CACNG4: variants seen among roughly 807,000 people sequenced by gnomAD.
CACNG4 encodes voltage-dependent calcium channel gamma-4 subunit.
Under a neutral mutation model 22.9 loss-of-function variants are expected in CACNG4, and 8 were observed. The observed-to-expected ratio is 0.35, with a 90% CI of 0.21 to 0.63. The LOEUF is 0.63. Among genes scored for constraint, CACNG4 ranks in the 30% least tolerant of loss-of-function variants. The probability of loss-of-function intolerance (pLI) is 0.72; values close to 1 mark genes in which losing one functional copy is unlikely to be tolerated. For synonymous variants in CACNG4, 188 were observed against 191.9 expected (o/e 0.98, Z 0.17); for missense variants, 357 against 455.4 (o/e 0.78, Z 1.97).
chr17:67,023,193 G>T (rs1436560375), intron 2 of CACNG4, among the ~76,000 whole-genome samples: 4 of 151,272 alleles, frequency 2.6e-5, no homozygotes, highest in Admixed American at 6.6e-5. Flanking sequence ...CTCGTCGTTG[G>T]ATCTAGGGCC....
chr17:66,991,341 A>C (rs536029874), intron 1 of CACNG4, among the ~76,000 whole-genome samples: 19 of 151,998 alleles, frequency 1.3e-4, no homozygotes, highest in Admixed American at 2.0e-4. Context: ...AACAAACAAA[A>C]AAAAACACTT....
intron 1 of CACNG4, among the ~76,000 whole-genome samples, chr17:66,998,456 A>G (rs778283814): frequency 6.6e-6 from 1 of 152,184 alleles, no homozygotes; most frequent in African/African-American, 2.4e-5. Flanking sequence ...CTCCTGCCTC[A>G]ACCTCCCAAA....
At position 66,977,493 on chromosome 17, in the gene CACNG4, C is replaced by T. The variant is rs533842009; in HGVS notation, c.220+12362C>T. ...GCTCTGCCCTGTGTTAGCTCTGTGACCTTGGACAGACTCCTTAGCTTCTCT... is the reference window on the plus strand; with the variant it reads ...GCTCTGCCCTGTGTTAGCTCTGTGATCTTGGACAGACTCCTTAGCTTCTCT... On this transcript the variant is annotated intron_variant, in intron 1 of 3. Transcript: ENST00000262138. 2.6e-5 allele frequency among the ~76,000 whole-genome samples: 4 copies of T among 152,328 alleles called. No homozygotes were observed. In the South Asian group the frequency reaches 8.3e-4, roughly 32 times the overall value.
At position 67,024,973 on chromosome 17, in the gene CACNG4, A is replaced by G. The variant is rs753605926; in HGVS notation, c.418A>G (p.Ser140Gly). The change falls in exon 3 of 4, where the codon AGT (serine) becomes GGT (glycine). Residue 140 changes from serine to glycine, a missense_variant. By Grantham distance (56) the Ser-to-Gly change is moderately conservative (BLOSUM62 0). Transcript: ENST00000262138. ...CAGCCGCAAGAACAACATCGTCCTC[A>G]GTGCCGGCATCCTCTTCGTGGCTGC... ...IYSRKNNIVL[S>G]AGILFVAAGL... is the part of the protein sequence containing the mutation. 8.1e-6 allele frequency: 13 copies of G among 1,601,252 alleles called. No individual in the cohort carries two copies. Among genetic ancestry groups the G allele is most frequent in the Non-Finnish European group, 5.1e-6 (6 of 1,175,474 alleles).
intron 1 of CACNG4, among the ~76,000 whole-genome samples, chr17:67,016,080 G>A (rs2035495631): frequency 6.6e-6 from 1 of 152,076 alleles, no homozygotes; most frequent in South Asian, 2.1e-4. Flanking sequence ...AGGAGCGAGG[G>A]TGGGTCATTT....
At chr17:66,995,540 C>T (rs1047278398) in intron 1 of CACNG4, among the ~76,000 whole-genome samples, 2 of 152,100 alleles carry the variant, frequency 1.3e-5, no homozygotes, top group African/African-American at 2.4e-5. Flanking sequence ...GAATTTATGA[C>T]AGTGTGGGTT....
In CACNG4 at chr17:67,027,756, T is replaced by C. The variant is rs1409296555; in HGVS notation, c.446-2710T>C. ...AGACAGGTGAACTAGCGGTGGCTCA[T>C]GCCTGTAATCCCAGCATTTTGGGAG... On this transcript the variant is annotated intron_variant, in intron 3 of 3. Coordinates refer to ENST00000262138, the MANE Select transcript of CACNG4 (RefSeq NM_014405.4). The surrounding 1 kb of genome is among the most constrained non-coding windows in gnomAD (Gnocchi z 4.3). Among the ~76,000 whole-genome samples the C allele has an allele frequency of 6.6e-6, 1 of 152,104 alleles. No homozygotes were observed. The highest frequency in any genetic ancestry group is 1.5e-5 in the Non-Finnish European group (1 of 68,018).
At chr17:66,967,898 G>A (rs1029021590) in intron 1 of CACNG4, among the ~76,000 whole-genome samples, 1 of 152,108 alleles carries the variant, frequency 6.6e-6, no homozygotes, top group Non-Finnish European at 1.5e-5. Flanking sequence ...GCAGGGCTAC[G>A]TGCAAAAGAC....
intron 1 of CACNG4, among the ~76,000 whole-genome samples, chr17:67,000,861 G>T (rs1395534050): frequency 2.0e-5 from 3 of 152,170 alleles, no homozygotes; most frequent in Non-Finnish European, 4.4e-5. Context: ...GATTCTGACT[G>T]GCCTCCCTGC....
At chr17:66,987,450 G>C (rs1314850560) in intron 1 of CACNG4, among the ~76,000 whole-genome samples, 2 of 152,094 alleles carry the variant, frequency 1.3e-5, no homozygotes, top group African/African-American at 2.4e-5. Context: ...TCTCAGTCAG[G>C]GTCCATCCAG....
In CACNG4 at chr17:67,027,951, C is replaced by T. The variant is rs978787729; in HGVS notation, c.446-2515C>T. Among the ~76,000 whole-genome samples the T allele has an allele frequency of 5.9e-5, 9 of 151,740 alleles. No homozygotes were observed. The highest frequency in any genetic ancestry group is 4.6e-4 in the Admixed American group (7 of 15,226). On this transcript the variant is annotated intron_variant, in intron 3 of 3. Coordinates refer to ENST00000262138, the MANE Select transcript of CACNG4 (RefSeq NM_014405.4). The surrounding 1 kb of genome is among the most constrained non-coding windows in gnomAD (Gnocchi z 4.3). ...ACGAGAATCACCTGAACCTGGGAGG[C>T]GGAGGTTGCAATGAGCTGAGATCAC...
chr17:66,977,093 C>G (rs2035242578), intron 1 of CACNG4, among the ~76,000 whole-genome samples: 1 of 152,206 alleles, frequency 6.6e-6, no homozygotes. Context: ...CTCCACCTCT[C>G]TCCATCTCAG....
rs2035572813 is a variant in CACNG4 at position 67,027,110 on chromosome 17, C to T, written c.445+2110C>T. Among the ~76,000 whole-genome samples the T allele has an allele frequency of 1.3e-5, 2 of 152,214 alleles. No individual in the cohort carries two copies. The highest frequency in any genetic ancestry group is 2.4e-5 in the African/African-American group (1 of 41,456). On this transcript the variant is annotated intron_variant, in intron 3 of 3. Coordinates refer to ENST00000262138, the MANE Select transcript of CACNG4 (RefSeq NM_014405.4). This position sits in a 1 kb window ranked among gnomAD's most constrained non-coding sequence, Gnocchi z 4.3. Reference sequence around the variant, plus strand: ...TGAGCCCAACCCCACCATCCCTGCTCCTGCGGAGGAGGCACACAGGCGGTC... The same window carrying T: ...TGAGCCCAACCCCACCATCCCTGCTTCTGCGGAGGAGGCACACAGGCGGTC...
intron 1 of CACNG4, among the ~76,000 whole-genome samples, chr17:66,975,398 C>T (rs778447566): frequency 5.3e-5 from 8 of 152,188 alleles, no homozygotes; most frequent in Non-Finnish European, 7.3e-5. Flanking sequence ...TCCAGACTCC[C>T]ACTTGTCAGC....
intron 1 of CACNG4, among the ~76,000 whole-genome samples, chr17:66,976,363 C>T (rs1027841027): frequency 5.3e-5 from 8 of 151,212 alleles, no homozygotes; most frequent in Admixed American, 1.3e-4. Context: ...TCCTCCCCTC[C>T]CTTCTCCCTC....
At chr17:66,974,005 A>G (rs1295393837) in intron 1 of CACNG4, among the ~76,000 whole-genome samples, 1 of 152,174 alleles carries the variant, frequency 6.6e-6, no homozygotes, top group Admixed American at 6.5e-5. Flanking sequence ...AAACTTTTCA[A>G]AGCTGTGAAA....
chr17:66,979,279 C>T (rs1190839706), intron 1 of CACNG4, among the ~76,000 whole-genome samples: 1 of 152,122 alleles, frequency 6.6e-6, no homozygotes, highest in Non-Finnish European at 1.5e-5. Context: ...TTGAGTCTGC[C>T]ATCTTTGTAA....
rs142256181 is a variant in CACNG4, at chr17:66,999,803, C to T, written c.221-18386C>T. ...ATTTGGGTGGGGACACAGGGTCAAACCATATCAACTGGCAAAAGCCAGAGC... is the reference window on the plus strand; with the variant it reads ...ATTTGGGTGGGGACACAGGGTCAAATCATATCAACTGGCAAAAGCCAGAGC... On this transcript the variant is annotated intron_variant, in intron 1 of 3. Transcript: ENST00000262138. Among the ~76,000 whole-genome samples, 297 of 152,290 alleles carry T rather than the reference C, an allele frequency of 2.0e-3. 1 individual carries two copies. Among genetic ancestry groups the T allele is most frequent in the South Asian group, 9.1e-3 (44 of 4,822 alleles).
intron 1 of CACNG4, among the ~76,000 whole-genome samples, chr17:67,007,406 C>T (rs577126590): frequency 1.3e-5 from 2 of 152,274 alleles, no homozygotes; most frequent in East Asian, 1.9e-4. Context: ...AAGACATCTC[C>T]GAGAAATGAG....
Sources: allele counts gnomAD v4.1 joint callset (sites outside exome capture counted in the v4.1 genomes callset), GRCh38; gene constraint gnomAD v4.1.1; non-coding constraint Gnocchi (gnomAD v3.1); transcripts MANE v1.5; gene names NCBI Gene and HGNC (gene_info 2026-07-23, HGNC 2026-07-21).